MAML1: variants seen among roughly 807,000 people sequenced by gnomAD.
The protein encoded by MAML1 is mastermind-like protein 1.
Under a neutral mutation model 77.1 loss-of-function variants are expected in MAML1, and 14 were observed. The ratio of observed to expected loss-of-function variants is 0.18; its 90% CI spans 0.12 to 0.28. MAML1 has a LOEUF of 0.28. MAML1 is among the 10% of genes least tolerant of loss of function. The pLI, the probability that MAML1 is intolerant of heterozygous loss-of-function variation, is 1.00. For missense variants in MAML1, 1,217 were observed against 1,327.8 expected, an observed-to-expected ratio of 0.92 and a Z score of 1.30; for synonymous variants, 516 against 551.9, an observed-to-expected ratio of 0.93 and a Z score of 0.91.
chr5:179,746,323 C>A (rs1007587741), intron 1 of MAML1, among the ~76,000 whole-genome samples: 2 of 151,872 alleles, frequency 1.3e-5, no homozygotes, highest in African/African-American at 4.8e-5. Context: ...TGCAGCCTGG[C>A]GGCAGAGCGA....
chr5:179,770,428 C>G (rs1328598373), intron 3 of MAML1, among the ~76,000 whole-genome samples: 1 of 151,478 alleles, frequency 6.6e-6, no homozygotes, highest in Non-Finnish European at 1.5e-5. Flanking sequence ...GCCTGGGCGA[C>G]AGAGCAAGAC....
intron 1 of MAML1, among the ~76,000 whole-genome samples, chr5:179,737,555 T>G (rs147444768): frequency 2.8e-4 from 42 of 152,296 alleles, no homozygotes; most frequent in African/African-American, 7.7e-4. Flanking sequence ...GTTCTTAAGT[T>G]TTTTCCAAGT....
chr5:179,764,071 C>G (rs961287374), intron 1 of MAML1, among the ~76,000 whole-genome samples: 10 of 152,102 alleles, frequency 6.6e-5, no homozygotes, highest in African/African-American at 2.2e-4. Flanking sequence ...TCTTCTGTCC[C>G]CTTCCCATCC....
rs1779814970 is a variant in MAML1, at chr5:179,766,209, A to C, written c.1199A>C (p.Gln400Pro). 1.2e-6 allele frequency: 2 copies of C among 1,612,280 alleles called. No individual in the cohort carries two copies. Among genetic ancestry groups the C allele is most frequent in the Middle Eastern group, 3.3e-4 (2 of 6,072 alleles). The change falls in exon 2 of 5, where the codon CAG becomes CCG. Residue 400 changes from glutamine to proline, a missense_variant. By Grantham distance (76) the Gln-to-Pro change is moderately conservative. Around this residue, in one of 3 missense-constraint regions of MAML1, gnomAD observed 884 missense variants for 949.3 expected, o/e 0.93. Coordinates refer to ENST00000292599, the MANE Select transcript of MAML1 (RefSeq NM_014757.5). This position sits in a 1 kb window ranked among gnomAD's most constrained non-coding sequence, Gnocchi z 4.0. ...ASELSSAHQLQQIAAKQKREQ... is the reference protein window; with the variant it reads ...ASELSSAHQLPQIAAKQKREQ... ...GAGCTGTCCTCTGCCCACCAGCTCCAGCAGATCGCTGCCAAGCAGAAGCGC... is the reference window on the plus strand; with the variant it reads ...GAGCTGTCCTCTGCCCACCAGCTCCCGCAGATCGCTGCCAAGCAGAAGCGC...
rs372853440 is a variant in MAML1 at position 179,766,278 on chromosome 5, C to G, written c.1268C>G (p.Ala423Gly). 6 of 1,613,802 alleles carry G rather than the reference C, an allele frequency of 3.7e-6. No individual in the cohort carries two copies. The African/African-American group carries it at 8.0e-5, about 22-fold the overall frequency. The change falls in exon 2 of 5, where the codon GCC becomes GGC. Residue 423 changes from alanine to glycine, a missense_variant. Ala to Gly is a moderately conservative substitution (Grantham distance 60). Around this residue, in one of 3 missense-constraint regions of MAML1, gnomAD observed 884 missense variants for 949.3 expected, o/e 0.93. Transcript: ENST00000292599. The surrounding 1 kb of genome is among the most constrained non-coding windows in gnomAD (Gnocchi z 4.0). ...QNPQQATPAP[A>G]PGQMSTWQQT... ...CCACAGCAGGCCACCCCGGCACCAGCCCCGGGCCAGATGTCCACATGGCAG... is the reference window on the plus strand; with the variant it reads ...CCACAGCAGGCCACCCCGGCACCAGGCCCGGGCCAGATGTCCACATGGCAG...
At chr5:179,756,994 A>C (rs1403928403) in intron 1 of MAML1, among the ~76,000 whole-genome samples, 1 of 151,942 alleles carries the variant, frequency 6.6e-6, no homozygotes, top group Non-Finnish European at 1.5e-5. Flanking sequence ...CGCCTGGCTA[A>C]TTTTTGTATT....
At chr5:179,757,956 T>C (rs1215519049) in intron 1 of MAML1, among the ~76,000 whole-genome samples, 1 of 152,258 alleles carries the variant, frequency 6.6e-6, no homozygotes, top group Non-Finnish European at 1.5e-5. Context: ...CATAGAACTA[T>C]ACACATGCAT....
chr5:179,747,966 T>A (rs908966616), intron 1 of MAML1, among the ~76,000 whole-genome samples: 21 of 152,216 alleles, frequency 1.4e-4, no homozygotes, highest in African/African-American at 5.1e-4. Context: ...AAACAGAAAG[T>A]AGAATGGTAG....
chr5:179,765,255 C>G, intron 1 of MAML1, 71 bp from the exon 2 acceptor site: 1 of 1,331,512 alleles, frequency 7.5e-7, no homozygotes, highest in Non-Finnish European at 1.0e-6. Context: ...GGACATCAGC[C>G]CTTGGCTTGT....
At chr5:179,749,283 C>T (rs929935484) in intron 1 of MAML1, among the ~76,000 whole-genome samples, 5 of 152,208 alleles carry the variant, frequency 3.3e-5, no homozygotes, top group African/African-American at 9.6e-5. Context: ...TGCGCCACCA[C>T]GCCTGGATAA....
chr5:179,769,043 A>T lies in MAML1; in HGVS notation c.1925A>T (p.Gln642Leu). ...AGGGAGCAGCAGCAAAAGCATTTAC[A>T]GCAACAGCAGTTCCTTCAGAGGCAA... ...KQREQQQKHLQQQQFLQRQQH... is the reference protein window; with the variant it reads ...KQREQQQKHLLQQQFLQRQQH... The change falls in exon 3 of 5, where the codon CAG becomes CTG. Residue 642 changes from glutamine to leucine, a missense_variant. Gln to Leu is a moderately radical substitution (Grantham distance 113, BLOSUM62 -2). This residue lies in a region of MAML1 where 884 missense variants were observed against 949.3 expected (regional missense o/e 0.93). Transcript: ENST00000292599. This position sits in a 1 kb window ranked among gnomAD's most constrained non-coding sequence, Gnocchi z 4.2. 1 of 1,614,222 alleles carries T rather than the reference A, an allele frequency of 6.2e-7. No homozygotes were observed. The highest frequency in any genetic ancestry group is 8.5e-7 in the Non-Finnish European group (1 of 1,180,048).
chr5:179,733,550 G>A, intron 1 of MAML1, 123 bp downstream of exon 1: 4 of 777,522 alleles, frequency 5.1e-6, no homozygotes, highest in Non-Finnish European at 6.3e-6. Context: ...GGATCTGGCT[G>A]GAGAGAGGGT....
intron 1 of MAML1, among the ~76,000 whole-genome samples, chr5:179,761,097 A>AAAAG (rs113563425): frequency 2.6e-5 from 4 of 151,298 alleles, no homozygotes; most frequent in Non-Finnish European, 5.9e-5. Flanking sequence ...CCGTCTCAAA[A>AAAAG]AAAAGATGGA....
Position 179,774,610 on chromosome 5 carries a change from G to C in MAML1, c.2784G>C (p.Leu928Phe). 1 of 1,612,100 alleles carries C rather than the reference G, an allele frequency of 6.2e-7. No homozygotes were observed. The change falls in exon 5 of 5, where the codon TTG (leucine) becomes TTC (phenylalanine). Residue 928 changes from leucine to phenylalanine, a missense_variant. Coordinates refer to ENST00000292599, the MANE Select transcript of MAML1 (RefSeq NM_014757.5). Reference protein sequence around the residue: ...APPPTAPQQGLPGLSPAGPEL... With the variant: ...APPPTAPQQGFPGLSPAGPEL... ...CCCCAACAGCCCCTCAGCAGGGCTT[G>C]CCTGGCCTGAGCCCAGCAGGGCCTG... is the stretch of plus-strand genomic sequence containing the variant.
rs954994321 is a variant in MAML1, at chr5:179,771,694, G to T, written c.2068+451G>T. 1.4e-4 allele frequency among the ~76,000 whole-genome samples: 22 copies of T among 152,292 alleles called. No individual in the cohort carries two copies. The highest frequency in any genetic ancestry group is 5.3e-4 in the African/African-American group (22 of 41,564). On this transcript the variant is annotated intron_variant, in intron 4 of 4. Transcript: ENST00000292599. This position sits in a 1 kb window ranked among gnomAD's most constrained non-coding sequence, Gnocchi z 4.7. The stretch of plus-strand genomic sequence containing the variant: ...ATCACAGATGGCAGCATCACTAGTG[G>T]ACAGTTGGCCAGAAAAGGGCAGGAA...
Position 179,765,818 on chromosome 5 carries a change from C to A in MAML1, c.808C>A (p.Leu270Met). Residue 270 changes from leucine (L) to methionine (M), a missense_variant, in exon 2 of 5, where the codon CTG becomes ATG. By Grantham distance (15) the Leu-to-Met change is conservative. Coordinates refer to ENST00000292599, the MANE Select transcript of MAML1 (RefSeq NM_014757.5). ...RSVPDEDMKDLFNEDFEEKKD... is the reference protein window; with the variant it reads ...RSVPDEDMKDMFNEDFEEKKD... ...GGTGCCCGATGAAGACATGAAGGAC[C>A]TGTTTAATGAGGACTTCGAGGAGAA... 1 of 1,614,188 alleles carries A rather than the reference C, an allele frequency of 6.2e-7. No individual in the cohort carries two copies. Among genetic ancestry groups the A allele is most frequent in the South Asian group, 1.1e-5 (1 of 91,088 alleles).
At chr5:179,756,575 C>G (rs894008448) in intron 1 of MAML1, among the ~76,000 whole-genome samples, 3 of 152,000 alleles carry the variant, frequency 2.0e-5, no homozygotes, top group African/African-American at 7.3e-5. Flanking sequence ...TCAAACAGGC[C>G]TTTATGTGCC....
Position 179,775,319 on chromosome 5 carries a change from T to C in MAML1, c.*442T>C, listed in dbSNP as rs922643739. 30 of 985,422 alleles carry C rather than the reference T, an allele frequency of 3.0e-5. No homozygotes were observed. The Admixed American group carries it at 3.1e-4, about 10-fold the overall frequency. The allele number at this position is 985,422 out of a possible 1,614,324, so 61.0% of individuals were successfully genotyped here. On this transcript the variant is annotated 3_prime_UTR_variant, in exon 5 of 5. Transcript: ENST00000292599. ...GCAGAATTATTTGCAATTTGTAGCA[T>C]AGAAAAGATTTTTAAATTTTTTTAC...
chr5:179,775,205 A>T lies in MAML1; in HGVS notation c.*328A>T, dbSNP rs1756108898. ...AGTGAAACCCCACACTGTCGGGCTTATAAAAATCTGTGCCATCATGGTGAT... is the reference window on the plus strand; with the variant it reads ...AGTGAAACCCCACACTGTCGGGCTTTTAAAAATCTGTGCCATCATGGTGAT... On this transcript the variant is annotated 3_prime_UTR_variant, in exon 5 of 5. Coordinates refer to ENST00000292599, the MANE Select transcript of MAML1 (RefSeq NM_014757.5). The T allele has an allele frequency of 9.5e-7, 1 of 1,054,648 alleles. No homozygotes were observed. Among genetic ancestry groups the T allele is most frequent in the South Asian group, 4.3e-5 (1 of 23,468 alleles). 65.3% of individuals were successfully genotyped at this position (1,054,648 alleles called of 1,614,324 possible).
Sources: allele counts gnomAD v4.1 joint callset (sites outside exome capture counted in the v4.1 genomes callset), GRCh38; gene constraint gnomAD v4.1.1; regional missense constraint gnomAD v4.1.1; non-coding constraint Gnocchi (gnomAD v3.1); transcripts MANE v1.5; gene names NCBI Gene and HGNC (gene_info 2026-07-23, HGNC 2026-07-21).